The following LRP1 variants were observed in gnomAD, a reference collection of about 807,000 sequenced individuals.
LRP1 encodes the protein prolow-density lipoprotein receptor-related protein 1.
LRP1 carries 51 observed loss-of-function variants against 541.5 expected under a neutral mutation model. The ratio of observed to expected loss-of-function variants is 0.09; its 90% confidence interval spans 0.08 to 0.12. LRP1 has a LOEUF of 0.12. LRP1 is among the 10% of genes least tolerant of loss of function. The pLI is 1.00. For synonymous variants in LRP1, 2,219 were observed against 2,470.8 expected (o/e 0.90, Z 3.02); for missense variants, 3,878 against 6,376.2 (o/e 0.61, Z 13.34).
At position 57,211,270 on chromosome 12, in the gene LRP1, G is replaced by A. The variant is rs773814912; in HGVS notation, c.13011G>A (p.Ser4337=). 9.9e-6 allele frequency: 16 copies of A among 1,614,082 alleles called. No homozygotes were observed. Among genetic ancestry groups the A allele is most frequent in the Admixed American group, 1.7e-5 (1 of 60,004 alleles). ...QCRCTAYFEG[S]RCEVNKCSRC... Reference sequence around the variant, plus strand: ...GCTGCACTGCCTACTTTGAGGGATCGAGGTGTGAGGTGAACAAGTGCAGCC... The same window carrying A: ...GCTGCACTGCCTACTTTGAGGGATCAAGGTGTGAGGTGAACAAGTGCAGCC... The change falls in exon 84 of 89, where the codon TCG becomes TCA. Residue 4337 remains serine (S), a synonymous_variant. Coordinates refer to ENST00000243077, the MANE Select transcript of LRP1 (RefSeq NM_002332.3). The surrounding 1 kb of genome is among the most constrained non-coding windows in gnomAD (Gnocchi z 4.3).
rs2036729942 is a variant in LRP1 at position 57,204,609 on chromosome 12, T to C, written c.11072-18T>C. The C allele has an allele frequency of 1.9e-6, 3 of 1,613,020 alleles. No individual in the cohort carries two copies. The highest frequency in any genetic ancestry group is 2.7e-5 in the African/African-American group (2 of 74,876). On this transcript the variant is annotated intron_variant, in intron 71 of 88. Transcript: ENST00000243077. This position sits in a 1 kb window ranked among gnomAD's most constrained non-coding sequence, Gnocchi z 5.3. ...TCCCAAGACTAATTCTGGCTCTGTGTCCCCCTGGCTGCTGCAGCCCGGTTC... is the reference window on the plus strand; with the variant it reads ...TCCCAAGACTAATTCTGGCTCTGTGCCCCCCTGGCTGCTGCAGCCCGGTTC...
rs747285410 is a variant in LRP1, at chr12:57,203,398, A to G, written c.10828A>G (p.Thr3610Ala). Reference sequence around the variant, plus strand: ...GTGCCCATGCCCACAGAAAGACTGCACCCCCCGCTGTGACATGGACCAGTT... The same window carrying G: ...GTGCCCATGCCCACAGAAAGACTGCGCCCCCCGCTGTGACATGGACCAGTT... ...CADGSDEKDC[T>A]PRCDMDQFQC... Residue 3610 changes from threonine (T) to alanine (A), a missense_variant, in exon 70 of 89, where the codon ACC becomes GCC. By Grantham distance (58) the Thr-to-Ala change is moderately conservative. This residue lies in a region of LRP1 where 278 missense variants were observed against 536.3 expected (regional missense o/e 0.52). Coordinates refer to ENST00000243077, the MANE Select transcript of LRP1 (RefSeq NM_002332.3). 1.2e-5 allele frequency: 19 copies of G among 1,606,250 alleles called. No individual in the cohort carries two copies. The highest frequency in any genetic ancestry group is 1.6e-5 in the Non-Finnish European group (19 of 1,175,496).
chr12:57,151,071 C>T (rs1241020181), intron 6 of LRP1, among the ~76,000 whole-genome samples: 4 of 152,148 alleles, frequency 2.6e-5, no homozygotes, highest in East Asian at 1.9e-4. Context: ...TCCTTCCTTC[C>T]GATTTCCTTA....
In LRP1 at chr12:57,204,691, C is replaced by T. The variant is rs1425122920; in HGVS notation, c.11136C>T (p.Ile3712=). 1.4e-5 allele frequency: 23 copies of T among 1,613,920 alleles called. No individual in the cohort carries two copies. Among genetic ancestry groups the T allele is most frequent in the East Asian group, 4.5e-5 (2 of 44,882 alleles). Reference sequence around the variant, plus strand: ...AGAATGACCGCGTCTGTCTGTGGATCGGGCGCCAATGCGATGGCACGGACA... The same window carrying T: ...AGAATGACCGCGTCTGTCTGTGGATTGGGCGCCAATGCGATGGCACGGACA... ...RCKNDRVCLW[I]GRQCDGTDNC... Residue 3712 remains isoleucine (I), a synonymous_variant, in exon 72 of 89, where the codon ATC becomes ATT. Transcript: ENST00000243077. This position sits in a 1 kb window ranked among gnomAD's most constrained non-coding sequence, Gnocchi z 5.3.
At position 57,162,310 on chromosome 12, in the gene LRP1, T is replaced by C. The variant is rs1592621439; in HGVS notation, c.2203-7T>C. The C allele has an allele frequency of 1.9e-6, 3 of 1,613,422 alleles. No individual in the cohort carries two copies. Among genetic ancestry groups the C allele is most frequent in the African/African-American group, 2.7e-5 (2 of 75,032 alleles). ...CAACTCCTTAGTAACATCCTCTCCA[T>C]CCCTAGATTGTGTATGAAGGTCCTG... On this transcript the variant is annotated splice_polypyrimidine_tract_variant and splice_region_variant and intron_variant, in intron 13 of 88. Transcript: ENST00000243077. This position sits in a 1 kb window ranked among gnomAD's most constrained non-coding sequence, Gnocchi z 5.2.
intron 58 of LRP1, 57 bp from the exon 59 acceptor site, chr12:57,198,099 C>T: frequency 6.8e-7 from 1 of 1,476,006 alleles, no homozygotes. Flanking sequence ...CTCACAGAGG[C>T]TTGCAGGTCC....
At position 57,181,839 on chromosome 12, in the gene LRP1, A is replaced by G. The variant is rs190646385; in HGVS notation, c.5662+548A>G. On this transcript the variant is annotated intron_variant, in intron 34 of 88. Coordinates refer to ENST00000243077, the MANE Select transcript of LRP1 (RefSeq NM_002332.3). ...GCTGGGCTCAGTAAGGGTTGAAGAA[A>G]AGAAATGAAACCCAGACGCATTTCA... 3.4e-4 allele frequency among the ~76,000 whole-genome samples: 52 copies of G among 152,314 alleles called. No homozygotes were observed. The East Asian group carries it at 9.8e-3, about 29-fold the overall frequency.
chr12:57,145,897 G>A (rs1407719864), intron 6 of LRP1, among the ~76,000 whole-genome samples: 1 of 152,120 alleles, frequency 6.6e-6, no homozygotes, highest in Non-Finnish European at 1.5e-5. Context: ...AAAGGAGCTG[G>A]GGCCCAGCTG....
In LRP1 at chr12:57,143,876, G is replaced by A. The variant is rs2035346623; in HGVS notation, c.448+78G>A. Reference sequence around the variant, plus strand: ...GGTGGGCAGGGAGGGGCAGAGAGGGGTAGGGGGCCTGGCTGGAATAAGAAA... The same window carrying A: ...GGTGGGCAGGGAGGGGCAGAGAGGGATAGGGGGCCTGGCTGGAATAAGAAA... On this transcript the variant is annotated intron_variant, in intron 4 of 88. Coordinates refer to ENST00000243077, the MANE Select transcript of LRP1 (RefSeq NM_002332.3). The A allele has an allele frequency of 2.7e-6, 4 of 1,494,438 alleles. No homozygotes were observed. The Admixed American group carries it at 6.1e-5, about 23-fold the overall frequency. 92.6% of individuals were successfully genotyped at this position (1,494,438 alleles called of 1,614,324 possible). A position where few individuals can be genotyped will look rare whatever the true frequency, so the allele number is the denominator to read the frequency against.
chr12:57,205,101 C>T lies in LRP1; in HGVS notation c.11195-8C>T, dbSNP rs919579534. 7 of 1,611,592 alleles carry T rather than the reference C, an allele frequency of 4.3e-6. 1 individual carries two copies. In the Middle Eastern group the frequency reaches 8.3e-4, roughly 191 times the overall value. On this transcript the variant is annotated splice_polypyrimidine_tract_variant and splice_region_variant and intron_variant, in intron 72 of 88. Coordinates refer to ENST00000243077, the MANE Select transcript of LRP1 (RefSeq NM_002332.3). The surrounding 1 kb of genome is among the most constrained non-coding windows in gnomAD (Gnocchi z 4.6). ...ATACCCAGGGCCTAAAGCCTCTGCC[C>T]TCCTCAGAGCCCCCCACAGCCCACA...
At chr12:57,132,714 C>T (rs2035063339) in intron 1 of LRP1, among the ~76,000 whole-genome samples, 1 of 152,184 alleles carries the variant, frequency 6.6e-6, no homozygotes, top group South Asian at 2.1e-4. Context: ...ACTGCCGAAC[C>T]TTTGTGACAT....
chr12:57,141,553 C>G (rs376505273), intron 3 of LRP1, 42 bp downstream of exon 3: 9 of 1,612,522 alleles, frequency 5.6e-6, no homozygotes, highest in Non-Finnish European at 7.6e-6. Context: ...CTGGATGCAG[C>G]ATATTATCAG....
At chr12:57,140,673 T>C (rs1158057814) in intron 2 of LRP1, among the ~76,000 whole-genome samples, 6 of 152,212 alleles carry the variant, frequency 3.9e-5, no homozygotes, top group Non-Finnish European at 8.8e-5. Flanking sequence ...AAGGAGTTTT[T>C]CTTTATCATT....
Position 57,138,597 on chromosome 12 carries a change from G to A in LRP1, c.190+16G>A. The A allele has an allele frequency of 5.0e-6, 8 of 1,613,402 alleles. No individual in the cohort carries two copies. Among genetic ancestry groups the A allele is most frequent in the Non-Finnish European group, 6.8e-6 (8 of 1,179,608 alleles). Reference sequence around the variant, plus strand: ...CCTGAGATTTGTAAGTACCTTTTCTGGATTCTTCTCCCCAAACCCTTAACT... The same window carrying A: ...CCTGAGATTTGTAAGTACCTTTTCTAGATTCTTCTCCCCAAACCCTTAACT... On this transcript the variant is annotated intron_variant, in intron 2 of 88. Transcript: ENST00000243077.
intron 76 of LRP1, among the ~76,000 whole-genome samples, chr12:57,207,028 TC>T (rs2036794923): frequency 2.0e-5 from 3 of 152,060 alleles, no homozygotes; most frequent in Non-Finnish European, 2.9e-5. Flanking sequence ...GATCACGAGG[TC>T]AGGAGATCCA....
Position 57,212,893 on chromosome 12 carries a change from A to G in LRP1, c.*338A>G, listed in dbSNP as rs770232292. 1.7e-4 allele frequency: 40 copies of G among 230,660 alleles called. No individual in the cohort carries two copies. Among genetic ancestry groups the G allele is most frequent in the Non-Finnish European group, 3.1e-4 (36 of 117,518 alleles). The allele number at this position is 230,660 out of a possible 1,614,324, so 14.3% of individuals were successfully genotyped here. A position where few individuals can be genotyped will look rare whatever the true frequency, so the allele number is the denominator to read the frequency against. ...CCTCCCTGTATAAGACACTTTGCCA[A>G]GGCTCTCCCCTCTCGCCCCATCCCT... On this transcript the variant is annotated 3_prime_UTR_variant, in exon 89 of 89. Coordinates refer to ENST00000243077, the MANE Select transcript of LRP1 (RefSeq NM_002332.3). This position sits in a 1 kb window ranked among gnomAD's most constrained non-coding sequence, Gnocchi z 5.0.
At chr12:57,170,713 C>T (rs1334150131) in intron 20 of LRP1, among the ~76,000 whole-genome samples, 6 of 152,094 alleles carry the variant, frequency 3.9e-5, no homozygotes, top group Non-Finnish European at 5.9e-5. Flanking sequence ...CCCAGCTACT[C>T]AGAAGGCTGA....
chr12:57,207,646 G>T (rs2036813800), intron 76 of LRP1, among the ~76,000 whole-genome samples: 1 of 152,246 alleles, frequency 6.6e-6, no homozygotes, highest in Non-Finnish European at 1.5e-5. Context: ...GGAAGACAGA[G>T]CAGTGGGAAT....
Position 57,180,137 on chromosome 12 carries a change from C to A in LRP1, c.5232C>A (p.Pro1744=), listed in dbSNP as rs747190101. ...RTLLFSGQKG[P]VGLAIDFPES... ...TGCTCTTCAGTGGCCAGAAGGGCCC[C>A]GTGGGTACGAGCTTCCCTGCCCACC... The change falls in exon 31 of 89, where the codon CCC becomes CCA. Residue 1744 remains proline (P), a synonymous_variant. Transcript: ENST00000243077. 2 of 1,613,526 alleles carry A rather than the reference C, an allele frequency of 1.2e-6. No individual in the cohort carries two copies. Among genetic ancestry groups the A allele is most frequent in the Non-Finnish European group, 1.7e-6 (2 of 1,179,866 alleles).
Sources: allele counts gnomAD v4.1 joint callset (sites outside exome capture counted in the v4.1 genomes callset), GRCh38; gene constraint gnomAD v4.1.1; regional missense constraint gnomAD v4.1.1; non-coding constraint Gnocchi (gnomAD v3.1); transcripts MANE v1.5; gene names NCBI Gene and HGNC (gene_info 2026-07-23, HGNC 2026-07-21).